Variants in CDYL2 observed in about 807,000 individuals in gnomAD.
The protein encoded by CDYL2 is chromodomain Y-like protein 2.
A neutral mutation model predicts 49.4 loss-of-function variants in CDYL2; 23 were observed. The ratio of observed to expected loss-of-function variants is 0.47; its 90% CI spans 0.34 to 0.66. The LOEUF (loss-of-function observed/expected upper bound fraction) is 0.66. CDYL2 is among the 30% of genes least tolerant of loss of function. The pLI is 0.01. For synonymous variants in CDYL2, 360 were observed against 268.8 expected, an observed-to-expected ratio of 1.34 and a Z score of -3.32; for missense variants, 678 against 656.4, an observed-to-expected ratio of 1.03 and a Z score of -0.36.
At chr16:80,659,670 TA>T (rs11314867) in intron 2 of CDYL2, among the ~76,000 whole-genome samples, 85,698 of 151,646 alleles carry the variant, frequency 0.57, 27,671 homozygotes, top group African/African-American at 0.88. Flanking sequence ...AGAAAAAAGT[TA>T]AAAAAACTGG....
At chr16:80,638,177 C>T (rs1567551079) in intron 2 of CDYL2, among the ~76,000 whole-genome samples, 1 of 152,010 alleles carries the variant, frequency 6.6e-6, no homozygotes, top group Non-Finnish European at 1.5e-5. Context: ...TAGGCTCAAA[C>T]TATATTCCCT....
chr16:80,619,626 G>T (rs1007582449), intron 4 of CDYL2, among the ~76,000 whole-genome samples: 2 of 152,190 alleles, frequency 1.3e-5, no homozygotes, highest in African/African-American at 4.8e-5. Context: ...GGCATAGCTG[G>T]GACCACGCAA....
chr16:80,727,231 T>G (rs535438035), intron 1 of CDYL2, among the ~76,000 whole-genome samples: 5 of 152,336 alleles, frequency 3.3e-5, no homozygotes, highest in Admixed American at 1.3e-4. Context: ...CACAGGTCAC[T>G]GGGTGCACGC....
intron 1 of CDYL2, among the ~76,000 whole-genome samples, chr16:80,762,408 G>C (rs1412889403): frequency 6.6e-6 from 1 of 152,160 alleles, no homozygotes; most frequent in African/African-American, 2.4e-5. Context: ...AGCAGAATAT[G>C]ACTACAGTCC....
At chr16:80,751,473 C>A (rs1452436344) in intron 1 of CDYL2, among the ~76,000 whole-genome samples, 1 of 152,156 alleles carries the variant, frequency 6.6e-6, no homozygotes, top group African/African-American at 2.4e-5. Context: ...CACGTGGCAG[C>A]TAAGGAGAGC....
intron 1 of CDYL2, among the ~76,000 whole-genome samples, chr16:80,710,740 TACACACAC>T (rs775518236): frequency 2.6e-5 from 4 of 150,992 alleles, no homozygotes; most frequent in Non-Finnish European, 4.4e-5. Context: ...TAATACTGCT[TACACACAC>T]ACACACACAT....
intron 1 of CDYL2, among the ~76,000 whole-genome samples, chr16:80,771,906 G>C (rs544253499): frequency 1.6e-4 from 25 of 152,208 alleles, no homozygotes; most frequent in African/African-American, 5.8e-4. Flanking sequence ...AAACTGCTTA[G>C]GAGACAAAGA....
intron 2 of CDYL2, among the ~76,000 whole-genome samples, chr16:80,666,002 T>C (rs114147671): frequency 0.017 from 2,628 of 152,160 alleles, 57 homozygotes; most frequent in African/African-American, 0.041. Flanking sequence ...GAAAAGCACA[T>C]TCTTGAGCAA....
At position 80,769,218 on chromosome 16, in the gene CDYL2, T is replaced by C. The variant is rs553795103; in HGVS notation, c.24+34932A>G. On this transcript the variant is annotated intron_variant, in intron 1 of 6. Transcript: ENST00000570137. Reference sequence around the variant, plus strand: ...GCTTAGGAGCACCTGCATTCTGGGATAGGATCGCATTCTAATCAGCTGTCA... The same window carrying C: ...GCTTAGGAGCACCTGCATTCTGGGACAGGATCGCATTCTAATCAGCTGTCA... Among the ~76,000 whole-genome samples, 5 of 152,316 alleles carry C rather than the reference T, an allele frequency of 3.3e-5. No individual in the cohort carries two copies. The South Asian group carries it at 1.0e-3, about 32-fold the overall frequency.
rs553449635 is a variant in CDYL2, at chr16:80,770,873, A to C, written c.24+33277T>G. 4.3e-4 allele frequency among the ~76,000 whole-genome samples: 66 copies of C among 152,332 alleles called. No homozygotes were observed. In the Middle Eastern group the frequency reaches 0.01, roughly 24 times the overall value. Reference sequence around the variant, plus strand: ...GGAAGAGAAGAAATTAAACGATTAGACAGCCAAGATCTGGGAGAAAACAGA... The same window carrying C: ...GGAAGAGAAGAAATTAAACGATTAGCCAGCCAAGATCTGGGAGAAAACAGA... On this transcript the variant is annotated intron_variant, in intron 1 of 6. Transcript: ENST00000570137.
At chr16:80,713,880 G>T (rs979436663) in intron 1 of CDYL2, among the ~76,000 whole-genome samples, 1 of 152,148 alleles carries the variant, frequency 6.6e-6, no homozygotes, top group East Asian at 1.9e-4. Context: ...ACATGCAGGT[G>T]TGCCAACCGA....
intron 2 of CDYL2, among the ~76,000 whole-genome samples, chr16:80,646,134 A>T (rs1196585384): frequency 6.6e-6 from 1 of 152,066 alleles, no homozygotes; most frequent in East Asian, 1.9e-4. Context: ...TAGAACTTAA[A>T]GTATAATTAA....
chr16:80,689,280 A>G (rs895978474), intron 1 of CDYL2, among the ~76,000 whole-genome samples: 3 of 152,190 alleles, frequency 2.0e-5, no homozygotes, highest in African/African-American at 7.2e-5. Context: ...TGATGCTATT[A>G]TTACCAGTGC....
chr16:80,670,908 A>G (rs1395742453), intron 2 of CDYL2: 4 of 455,930 alleles, frequency 8.8e-6, no homozygotes, highest in Admixed American at 2.4e-5. Context: ...AAGGGGCTCT[A>G]TACACAGGGG....
At chr16:80,607,526 T>C (rs1045593270) in intron 6 of CDYL2, among the ~76,000 whole-genome samples, 7 of 152,230 alleles carry the variant, frequency 4.6e-5, no homozygotes, top group Admixed American at 1.3e-4. Flanking sequence ...TCCCACAGGA[T>C]ATTCCCCTGC....
intron 3 of CDYL2, among the ~76,000 whole-genome samples, chr16:80,622,079 T>C (rs187948820): frequency 1.3e-3 from 197 of 152,294 alleles, no homozygotes; most frequent in African/African-American, 4.2e-3. Context: ...AGAGGTGGAT[T>C]TGAGCCCTGG....
intron 6 of CDYL2, among the ~76,000 whole-genome samples, chr16:80,604,871 T>C (rs1375850697): frequency 6.7e-6 from 1 of 149,360 alleles, no homozygotes; most frequent in Non-Finnish European, 1.5e-5. Flanking sequence ...TGGGAGACAC[T>C]GTTTTAACCT....
intron 1 of CDYL2, among the ~76,000 whole-genome samples, chr16:80,758,056 A>C (rs538792774): frequency 6.6e-6 from 1 of 152,194 alleles, no homozygotes; most frequent in African/African-American, 2.4e-5. Flanking sequence ...TATGGTATCT[A>C]AGGAAGAATA....
intron 2 of CDYL2, among the ~76,000 whole-genome samples, chr16:80,666,458 G>A (rs963762476): frequency 6.6e-6 from 1 of 152,160 alleles, no homozygotes; most frequent in African/African-American, 2.4e-5. Context: ...GCACCCTGCT[G>A]AAAAGAACTC....
Sources: gnomAD v4.1 joint callset for allele counts (sites outside exome capture counted in the v4.1 genomes callset) on GRCh38, gnomAD v4.1.1 for gene constraint, MANE v1.5 for transcripts, NCBI Gene and HGNC (gene_info 2026-07-23, HGNC 2026-07-21) for gene names.